Variants in MCCC1 observed in about 807,000 individuals in gnomAD.
MCCC1 encodes methylcrotonyl-CoA carboxylase subunit 1, also known as methylcrotonoyl-CoA carboxylase subunit alpha, mitochondrial.
Under a neutral mutation model 83.8 loss-of-function variants are expected in MCCC1, and 64 were observed. That is an observed-to-expected ratio of 0.76 (90% confidence interval 0.62 to 0.94). MCCC1 has a LOEUF of 0.94. MCCC1 is among the 40% of genes least tolerant of loss of function. MCCC1 has a pLI of 0.00. For missense variants in MCCC1, 807 were observed against 904.7 expected (o/e 0.89, Z 1.39); for synonymous variants, 322 against 315.4 (o/e 1.02, Z -0.22).
chr3:183,026,853 AATTATT>A (rs1712649598), intron 14 of MCCC1, among the ~76,000 whole-genome samples: 1 of 152,246 alleles, frequency 6.6e-6, no homozygotes, highest in South Asian at 2.1e-4. Flanking sequence ...AAAATGTAAC[AATTATT>A]AAACAAATAT....
At chr3:183,041,880 A>AGTTT in intron 10 of MCCC1, 130 bp from the exon 11 acceptor site, 1 of 1,038,740 alleles carries the variant, frequency 9.6e-7, no homozygotes, top group Non-Finnish European at 1.5e-6. Context: ...AATAAAAACT[A>AGTTT]TTATTTTGTC....
At chr3:183,102,371 A>G (rs541068145), upstream of MCCC1, among the ~76,000 whole-genome samples, 1 of 152,156 alleles carries the variant, frequency 6.6e-6, no homozygotes, top group Admixed American at 6.6e-5. Flanking sequence ...TCCAAAAAAG[A>G]AGCAAAAAAA....
At chr3:183,093,888 G>C (rs1028353034) in intron 2 of MCCC1, among the ~76,000 whole-genome samples, 1 of 151,926 alleles carries the variant, frequency 6.6e-6, no homozygotes, top group African/African-American at 2.4e-5. Flanking sequence ...TGGAAAAAAA[G>C]GTTTTGCTAC....
chr3:183,077,635 TC>T (rs1220131206), intron 4 of MCCC1, among the ~76,000 whole-genome samples: 3 of 149,262 alleles, frequency 2.0e-5, no homozygotes, highest in Non-Finnish European at 3.0e-5. Flanking sequence ...TCATTTTTTT[TC>T]GTGAACCTTT....
chr3:183,106,702 G>T (rs374430712), intron 1 of MCCC1, among the ~76,000 whole-genome samples: 1 of 152,006 alleles, frequency 6.6e-6, no homozygotes, highest in Admixed American at 6.6e-5. Context: ...TCACCGTGTC[G>T]GCCAGGCTGA....
At chr3:183,042,992 TTAATA>T (rs1714233140) in intron 10 of MCCC1, among the ~76,000 whole-genome samples, 1 of 152,212 alleles carries the variant, frequency 6.6e-6, no homozygotes, top group Non-Finnish European at 1.5e-5. Context: ...TTTTAACGTT[TTAATA>T]AATAATTCTG....
intron 18 of MCCC1, chr3:183,017,002 A>T: frequency 2.0e-6 from 1 of 505,034 alleles, no homozygotes; most frequent in South Asian, 2.1e-5. Flanking sequence ...AACAGTTAAC[A>T]TTCAGTTGGA....
At chr3:183,052,334 G>A (rs1403278299) in intron 8 of MCCC1, 94 bp from the exon 9 acceptor site, 11 of 1,082,842 alleles carry the variant, frequency 1.0e-5, no homozygotes, top group Admixed American at 5.6e-5. Flanking sequence ...ACATAATGAC[G>A]TTTCTTAGTC....
At chr3:183,101,280 C>T (rs958684853), upstream of MCCC1, among the ~76,000 whole-genome samples, 10 of 152,250 alleles carry the variant, frequency 6.6e-5, no homozygotes, top group Admixed American at 1.3e-4. Context: ...CTGAGGAATG[C>T]GAGCGCACGG....
At chr3:183,109,356 C>T (rs528504743) in intron 1 of MCCC1, among the ~76,000 whole-genome samples, 1 of 152,258 alleles carries the variant, frequency 6.6e-6, no homozygotes, top group Admixed American at 6.5e-5. Flanking sequence ...ATGATCCCGT[C>T]ACCCTGGTGA....
chr3:183,113,506 T>C (rs1387618113), intron 1 of MCCC1, among the ~76,000 whole-genome samples: 1 of 151,590 alleles, frequency 6.6e-6, no homozygotes, highest in Non-Finnish European at 1.5e-5. Flanking sequence ...ATGGCACATG[T>C]ATACATATGT....
chr3:183,049,578 AAAAAAAG>A (rs1317011786), intron 9 of MCCC1, among the ~76,000 whole-genome samples: 21 of 151,826 alleles, frequency 1.4e-4, no homozygotes, highest in Non-Finnish European at 2.5e-4. Flanking sequence ...TTCAAAAAAA[AAAAAAAG>A]AAAAAAGAAA....
chr3:183,067,364 C>T (rs1716331407), intron 7 of MCCC1, among the ~76,000 whole-genome samples: 1 of 152,164 alleles, frequency 6.6e-6, no homozygotes. Flanking sequence ...CTCTGACATT[C>T]CTTATGGAAG....
At chr3:183,078,528 G>A (rs1315515241) in intron 4 of MCCC1, among the ~76,000 whole-genome samples, 1 of 151,998 alleles carries the variant, frequency 6.6e-6, no homozygotes, top group East Asian at 1.9e-4. Context: ...TGAAATATCT[G>A]TTTATTTAGA....
chr3:183,054,188 A>AT (rs370883975), intron 8 of MCCC1, among the ~76,000 whole-genome samples: 22,175 of 122,114 alleles, frequency 0.18, 2,016 homozygotes, highest in East Asian at 0.41. Context: ...AGCCAAGAAA[A>AT]TTTTTTTTTT....
rs766591596 is a variant in MCCC1, at chr3:183,099,461, C to T, written c.-21G>A. 2 of 1,593,460 alleles carry T rather than the reference C, an allele frequency of 1.3e-6. No homozygotes were observed. Among genetic ancestry groups the T allele is most frequent in the East Asian group, 2.3e-5 (1 of 43,596 alleles). ...GCCATGTCCCTGGAGCCCGGCCACTCCGTGACTCCCCAGTACAGAGGCAGC... is the reference window on the plus strand; with the variant it reads ...GCCATGTCCCTGGAGCCCGGCCACTTCGTGACTCCCCAGTACAGAGGCAGC... On this transcript the variant is annotated 5_prime_UTR_variant, in exon 1 of 19. Transcript: ENST00000265594.
chr3:183,063,670 T>C (rs1162253990), intron 7 of MCCC1, among the ~76,000 whole-genome samples: 1 of 152,192 alleles, frequency 6.6e-6, no homozygotes, highest in East Asian at 1.9e-4. Context: ...GAATTCTTTC[T>C]TGTGTGAGAT....
At chr3:183,039,377 A>G (rs983033365) in intron 11 of MCCC1, among the ~76,000 whole-genome samples, 1 of 152,174 alleles carries the variant, frequency 6.6e-6, no homozygotes, top group African/African-American at 2.4e-5. Flanking sequence ...ATGGCACACA[A>G]GCTGGCTTTC....
At chr3:183,085,446 A>G (rs1490474584) in intron 4 of MCCC1, among the ~76,000 whole-genome samples, 1 of 151,870 alleles carries the variant, frequency 6.6e-6, no homozygotes, top group African/African-American at 2.4e-5. Flanking sequence ...CCTGGGCAAC[A>G]TGGAGAAAGC....
Sources: gnomAD v4.1 joint callset for allele counts (sites outside exome capture counted in the v4.1 genomes callset) on GRCh38, gnomAD v4.1.1 for gene constraint, MANE v1.5 for transcripts, NCBI Gene and HGNC (gene_info 2026-07-23, HGNC 2026-07-21) for gene names.